FAM168A: variants seen among roughly 807,000 people sequenced by gnomAD.
FAM168A encodes protein FAM168A.
FAM168A carries 3 observed loss-of-function variants against 28.5 expected under a neutral mutation model. The observed-to-expected ratio is 0.11, with a 90% CI of 0.05 to 0.27. FAM168A has a LOEUF of 0.27. Ranked by LOEUF, FAM168A falls within the 10% of genes least tolerant of loss-of-function variation. The pLI, the probability that FAM168A is intolerant of heterozygous loss-of-function variation, is 1.00. For synonymous variants in FAM168A, 122 were observed against 124.2 expected, an observed-to-expected ratio of 0.98 and a Z score of 0.12; for missense variants, 222 against 311.5, an observed-to-expected ratio of 0.71 and a Z score of 2.16.
intron 1 of FAM168A, among the ~76,000 whole-genome samples, chr11:73,527,799 T>C (rs1454267754): frequency 6.6e-6 from 1 of 151,952 alleles, no homozygotes; most frequent in East Asian, 1.9e-4. Flanking sequence ...AGACTTCAAC[T>C]TATATAGAGT....
chr11:73,446,434 C>T (rs1317766670), intron 2 of FAM168A, among the ~76,000 whole-genome samples: 1 of 152,094 alleles, frequency 6.6e-6, no homozygotes, highest in East Asian at 1.9e-4. Flanking sequence ...TAGAAATGCC[C>T]AAGAACTAGA....
chr11:73,405,122 C>T lies in FAM168A; in HGVS notation c.*1641G>A, dbSNP rs925135371. 2 of 152,298 alleles carry T rather than the reference C, an allele frequency of 1.3e-5. No homozygotes were observed. The highest frequency in any genetic ancestry group is 2.4e-5 in the African/African-American group (1 of 41,446). The allele number at this position is 152,298 out of a possible 1,614,324, so 9.4% of individuals were successfully genotyped here. ...TGTCTTCCTCCTCTTCCTCTCCTCT[C>T]GGGATGAGGGGCTACTGTCCTAAAA... On this transcript the variant is annotated 3_prime_UTR_variant, in exon 8 of 8. Transcript: ENST00000356467.
intron 1 of FAM168A, among the ~76,000 whole-genome samples, chr11:73,571,984 C>T (rs1944097020): frequency 6.6e-6 from 1 of 150,820 alleles, no homozygotes. Flanking sequence ...CCCAGCCGCC[C>T]CGTCTGAGAA....
chr11:73,507,478 G>A (rs1387847534), intron 1 of FAM168A, among the ~76,000 whole-genome samples: 2 of 152,094 alleles, frequency 1.3e-5, no homozygotes, highest in Admixed American at 1.3e-4. Flanking sequence ...CCTACTAGAG[G>A]GTAGTGGCTG....
At chr11:73,409,808 G>T in intron 5 of FAM168A, 147 bp from the exon 6 acceptor site, 2 of 745,514 alleles carry the variant, frequency 2.7e-6, no homozygotes, top group African/African-American at 1.8e-5. Context: ...GCAGTGCTGG[G>T]CTCAGCTTCT....
intron 1 of FAM168A, among the ~76,000 whole-genome samples, chr11:73,571,380 C>A (rs912739511): frequency 1.3e-5 from 2 of 151,832 alleles, no homozygotes; most frequent in Non-Finnish European, 2.9e-5. Context: ...CGAGTGCCTG[C>A]GATTGCAGGC....
intron 2 of FAM168A, among the ~76,000 whole-genome samples, chr11:73,459,879 A>ATTTTTTTTTTTTTTTTTTTTTTTTTTT (rs918564469): frequency 9.2e-6 from 1 of 108,456 alleles, no homozygotes; most frequent in Non-Finnish European, 1.8e-5. Flanking sequence ...ATCCAAATGA[A>ATTTTTTTTTTTTTTTTTTTTTTTTTTT]TTTTTTTTTT....
At chr11:73,411,683 C>T (rs1866613676) in intron 4 of FAM168A, 147 bp from the exon 5 acceptor site, 2 of 870,036 alleles carry the variant, frequency 2.3e-6, no homozygotes, top group South Asian at 1.5e-5. Context: ...AACAGGGCTC[C>T]ACCCAGAAAG....
At chr11:73,474,329 AT>A (rs553374863) in intron 1 of FAM168A, among the ~76,000 whole-genome samples, 32,074 of 148,774 alleles carry the variant, frequency 0.22, 5,513 homozygotes, top group African/African-American at 0.48. Flanking sequence ...TAAAAAAATG[AT>A]TTTTTTTTTT....
intron 1 of FAM168A, among the ~76,000 whole-genome samples, chr11:73,585,871 C>CAAAAAA (rs11358691): frequency 1.7e-4 from 14 of 81,658 alleles, no homozygotes; most frequent in East Asian, 4.0e-4. Flanking sequence ...CCATCTCAAA[C>CAAAAAA]AAAAAAAAAA....
chr11:73,519,321 CT>C (rs1943346644), intron 1 of FAM168A, among the ~76,000 whole-genome samples: 1 of 152,114 alleles, frequency 6.6e-6, no homozygotes, highest in African/African-American at 2.4e-5. Context: ...TTCATTCAGG[CT>C]TTCAACAAAT....
intron 1 of FAM168A, among the ~76,000 whole-genome samples, chr11:73,489,129 T>C (rs764131820): frequency 3.5e-4 from 54 of 152,174 alleles, no homozygotes; most frequent in Non-Finnish European, 6.5e-4. Flanking sequence ...TCTGCCCGCC[T>C]TGGCCTCCAA....
chr11:73,419,390 A>G (rs564617982), intron 4 of FAM168A, among the ~76,000 whole-genome samples: 41 of 152,308 alleles, frequency 2.7e-4, no homozygotes, highest in Admixed American at 1.5e-3. Flanking sequence ...GGTTGTCACA[A>G]TGAGGCTTTC....
At chr11:73,413,362 A>AT (rs1420082096) in intron 4 of FAM168A, among the ~76,000 whole-genome samples, 2 of 152,266 alleles carry the variant, frequency 1.3e-5, no homozygotes, top group African/African-American at 4.8e-5. Context: ...AGAGGGAAGC[A>AT]TGTTAAAGAG....
In FAM168A at chr11:73,513,316, T is replaced by C. The variant is rs186480169; in HGVS notation, c.-18-44824A>G. On this transcript the variant is annotated intron_variant, in intron 1 of 7. Coordinates refer to ENST00000356467, the MANE Select transcript of FAM168A (RefSeq NM_015159.3). Reference sequence around the variant, plus strand: ...GCTCTGCCTCCCAGGTTCACGCCATTCTCCTGCCTCAGCCTCCCGAGTAGC... The same window carrying C: ...GCTCTGCCTCCCAGGTTCACGCCATCCTCCTGCCTCAGCCTCCCGAGTAGC... Among the ~76,000 whole-genome samples, 1,474 of 150,714 alleles carry C rather than the reference T, an allele frequency of 9.8e-3. 29 individuals carry two copies. The highest frequency in any genetic ancestry group is 0.034 in the African/African-American group (1,373 of 40,938).
chr11:73,514,743 A>G (rs1157717445), intron 1 of FAM168A, among the ~76,000 whole-genome samples: 1 of 152,072 alleles, frequency 6.6e-6, no homozygotes, highest in East Asian at 1.9e-4. Flanking sequence ...TGAGGTAGGA[A>G]GATCACCTGA....
chr11:73,553,277 G>A (rs1397262417), intron 1 of FAM168A, among the ~76,000 whole-genome samples: 1 of 152,066 alleles, frequency 6.6e-6, no homozygotes, highest in Non-Finnish European at 1.5e-5. Context: ...TAAGGGATTG[G>A]TCAAGTTTTT....
chr11:73,512,763 A>G (rs1304333506), intron 1 of FAM168A, among the ~76,000 whole-genome samples: 1 of 152,184 alleles, frequency 6.6e-6, no homozygotes. Flanking sequence ...TATTATTTAC[A>G]TAAATATAAT....
intron 1 of FAM168A, among the ~76,000 whole-genome samples, chr11:73,518,040 G>A (rs1308709204): frequency 6.6e-6 from 1 of 152,200 alleles, no homozygotes; most frequent in Non-Finnish European, 1.5e-5. Context: ...ACTAGTACTT[G>A]TTGAAAGCCT....
Sources: gnomAD v4.1 joint callset for allele counts (sites outside exome capture counted in the v4.1 genomes callset) on GRCh38, gnomAD v4.1.1 for gene constraint, MANE v1.5 for transcripts, NCBI Gene and HGNC (gene_info 2026-07-23, HGNC 2026-07-21) for gene names.